Variants in RCC1 observed in about 807,000 individuals in gnomAD.
The protein encoded by RCC1 is regulator of chromosome condensation 1.
In RCC1, 11 loss-of-function variants were observed where a neutral mutation model predicts 44.4. The observed-to-expected ratio is 0.25, with a 90% CI of 0.16 to 0.41. RCC1 has a LOEUF of 0.41. Ranked by LOEUF, RCC1 falls within the 10% of genes least tolerant of loss-of-function variation. RCC1 has a pLI of 1.00. For missense variants in RCC1, 386 were observed against 547.1 expected (o/e 0.71, Z 2.94); for synonymous variants, 213 against 216.5 (o/e 0.98, Z 0.14).
chr1:28,524,694 C>T (rs1224629971), intron 4 of RCC1, among the ~76,000 whole-genome samples: 4 of 152,018 alleles, frequency 2.6e-5, no homozygotes, highest in Non-Finnish European at 2.9e-5. Context: ...GTTGTTTCTG[C>T]AAAATATACA....
At position 28,531,810 on chromosome 1, in the gene RCC1, C is replaced by T; in HGVS notation, c.81C>T (p.His27=). The T allele has an allele frequency of 6.5e-7, 1 of 1,539,950 alleles. No homozygotes were observed. Among genetic ancestry groups the T allele is most frequent in the East Asian group, 2.3e-5 (1 of 44,438 alleles). Residue 27 remains histidine (H), a synonymous_variant, in exon 6 of 13, where the codon CAC becomes CAT. Coordinates refer to ENST00000683442, the MANE Select transcript of RCC1 (RefSeq NM_001381865.2). ...ATCTTCTTCACCCTTCAGTCTCACA[C>T]AGGTCCCACAGCACAGAACCCGGCT... is the stretch of plus-strand genomic sequence containing the variant. The part of the protein sequence containing the change: ...IPKSKKVKVS[H]RSHSTEPGLV...
chr1:28,531,831 C>CGGCTT lies in RCC1; in HGVS notation c.105_109dup (p.Val37AlafsTer4). 6.4e-7 allele frequency: 1 copy of CGGCTT among 1,564,244 alleles called. No homozygotes were observed. The highest frequency in any genetic ancestry group is 8.6e-7 in the Non-Finnish European group (1 of 1,159,238). ...CACACAGGTCCCACAGCACAGAACC[C>CGGCTT]GGCTTGGTGCTGACACTAGGCCAGG... On this transcript the variant is annotated frameshift_variant, in exon 6 of 13. Coordinates refer to ENST00000683442, the MANE Select transcript of RCC1 (RefSeq NM_001381865.2). LOFTEE classifies it high-confidence loss of function.
At chr1:28,508,781 A>G (rs781346965) in intron 2 of RCC1, 49 bp from the exon 3 acceptor site, 1 of 518,866 alleles carries the variant, frequency 1.9e-6, no homozygotes, top group Non-Finnish European at 3.8e-6. Flanking sequence ...CTAGATTTTA[A>G]GTTGAAGTAG....
chr1:28,507,080 T>A (rs1163414587), intron 1 of RCC1: 4 of 194,722 alleles, frequency 2.1e-5, no homozygotes, highest in Non-Finnish European at 4.4e-5. Context: ...CCTGGCCGAT[T>A]TGGGGGTAAT....
chr1:28,507,070 C>A, intron 1 of RCC1: 1 of 189,662 alleles, frequency 5.3e-6, no homozygotes, highest in South Asian at 8.2e-5. Context: ...AGCCATCGTG[C>A]CTGGCCGATT....
intron 4 of RCC1, chr1:28,527,278 C>T (rs1663731106): frequency 1.8e-5 from 11 of 628,318 alleles, no homozygotes; most frequent in South Asian, 1.0e-4. Flanking sequence ...CTGTCTCTTT[C>T]GCCCAGGCTA....
chr1:28,513,705 CTCCTGAGTAGTGAAG>C (rs1167896335), intron 3 of RCC1, among the ~76,000 whole-genome samples: 6 of 152,092 alleles, frequency 3.9e-5, no homozygotes, highest in Admixed American at 3.3e-4. Flanking sequence ...CCAGCTCGGT[CTCCTGAGTAGTGAAG>C]ACCACAGGCA....
chr1:28,537,770 C>G, intron 12 of RCC1, 62 bp from the exon 13 acceptor site: 1 of 1,516,576 alleles, frequency 6.6e-7, no homozygotes, highest in Non-Finnish European at 8.9e-7. Flanking sequence ...CAGGTTTCTC[C>G]TGCTACAGAA....
Position 28,530,587 on chromosome 1 carries a change from G to C in RCC1, c.73+648G>C, listed in dbSNP as rs774330469. ...GCTCCTGCCAAGGTGCCTGCGGGCCGAGCCCTCCTGACCAGAAAACCCGAC... is the reference window on the plus strand; with the variant it reads ...GCTCCTGCCAAGGTGCCTGCGGGCCCAGCCCTCCTGACCAGAAAACCCGAC... On this transcript the variant is annotated intron_variant, in intron 5 of 12. Coordinates refer to ENST00000683442, the MANE Select transcript of RCC1 (RefSeq NM_001381865.2). 6 of 1,605,124 alleles carry C rather than the reference G, an allele frequency of 3.7e-6. No individual in the cohort carries two copies. In the African/African-American group the frequency reaches 6.7e-5, roughly 18 times the overall value.
chr1:28,522,647 GA>G (rs942652581), intron 4 of RCC1, among the ~76,000 whole-genome samples: 26 of 145,686 alleles, frequency 1.8e-4, no homozygotes, highest in East Asian at 4.0e-4. Context: ...GTCTCTACAA[GA>G]AAAAAAAAAA....
At chr1:28,527,682 A>G (rs1663762360) in intron 4 of RCC1, among the ~76,000 whole-genome samples, 1 of 152,172 alleles carries the variant, frequency 6.6e-6, no homozygotes, top group Admixed American at 6.5e-5. Flanking sequence ...TTGTTCTTCA[A>G]TGTTTTAATT....
In RCC1 at chr1:28,531,908, C is replaced by T. The variant is rs1324614347; in HGVS notation, c.179C>T (p.Pro60Leu). The change falls in exon 6 of 13, where the codon CCG (proline) becomes CTG (leucine). Residue 60 changes from proline (P) to leucine (L), a missense_variant. Pro to Leu is a moderately conservative substitution (Grantham distance 98, BLOSUM62 -3). Transcript: ENST00000683442. ...GAGAATGTGATGGAGAGGAAGAAGC[C>T]GGCCCTGGTATCCATTCCGGAGGAT... The part of the protein sequence containing the change: ...LGENVMERKK[P>L]ALVSIPEDVV... The T allele has an allele frequency of 3.7e-6, 6 of 1,609,548 alleles. No homozygotes were observed. The highest frequency in any genetic ancestry group is 2.2e-5 in the East Asian group (1 of 44,876).
intron 4 of RCC1, among the ~76,000 whole-genome samples, chr1:28,529,008 G>A (rs1316786333): frequency 6.7e-6 from 1 of 148,516 alleles, no homozygotes; most frequent in African/African-American, 2.5e-5. Context: ...GATTACAGTC[G>A]CACACCACCA....
chr1:28,533,360 A>C (rs370000504), intron 7 of RCC1, among the ~76,000 whole-genome samples: 2 of 151,500 alleles, frequency 1.3e-5, no homozygotes, highest in Admixed American at 6.6e-5. Flanking sequence ...AGTCCCAGCT[A>C]CTCGGGAGGC....
At chr1:28,526,722 C>G in intron 4 of RCC1, 1 of 515,454 alleles carries the variant, frequency 1.9e-6, no homozygotes. Context: ...ATGGTGAAAT[C>G]CCATCTCTAC....
chr1:28,523,027 CTTTTTTTTT>C (rs775851239), intron 4 of RCC1, among the ~76,000 whole-genome samples: 1 of 91,040 alleles, frequency 1.1e-5, no homozygotes, highest in Non-Finnish European at 2.1e-5. Context: ...GAAGAAATTT[CTTTTTTTTT>C]TTTTTTTTTT....
intron 4 of RCC1, among the ~76,000 whole-genome samples, chr1:28,522,970 C>G (rs1434429143): frequency 6.6e-6 from 1 of 150,888 alleles, no homozygotes; most frequent in Non-Finnish European, 1.5e-5. Flanking sequence ...AGACACAGTT[C>G]CAGGCAAGCT....
intron 4 of RCC1, among the ~76,000 whole-genome samples, chr1:28,520,915 T>C (rs1364405643): frequency 1.3e-5 from 2 of 151,848 alleles, no homozygotes; most frequent in East Asian, 3.9e-4. Flanking sequence ...CCGTCTTTAC[T>C]AAAAATACCA....
chr1:28,508,908 A>T lies in RCC1; in HGVS notation c.-153+3A>T, dbSNP rs1043819110. On this transcript the variant is annotated splice_donor_region_variant and intron_variant, in intron 3 of 12. Coordinates refer to ENST00000683442, the MANE Select transcript of RCC1 (RefSeq NM_001381865.2). ...CCTTTATATAGAAGGGAGAGTAGGT[A>T]AACTGATTTTTTTTTTTAACAGGGA... 1.2e-5 allele frequency: 6 copies of T among 510,900 alleles called. No homozygotes were observed. The highest frequency in any genetic ancestry group is 1.9e-5 in the Non-Finnish European group (5 of 258,154). The allele number at this position is 510,900 out of a possible 1,614,324, so 31.6% of individuals were successfully genotyped here.
Sources: allele counts gnomAD v4.1 joint callset (sites outside exome capture counted in the v4.1 genomes callset), GRCh38; gene constraint gnomAD v4.1.1; transcripts MANE v1.5; gene names NCBI Gene and HGNC (gene_info 2026-07-23, HGNC 2026-07-21).